Variants in MICAL3 observed in about 807,000 individuals in gnomAD.
The protein encoded by MICAL3 is microtubule associated monooxygenase, calponin and LIM domain containing 3.
Under a neutral mutation model 207.4 loss-of-function variants are expected in MICAL3, and 62 were observed. The observed-to-expected ratio is 0.30, with a 90% CI of 0.24 to 0.37. The LOEUF is 0.37. MICAL3 is among the 10% of genes least tolerant of loss of function. The pLI, the probability that MICAL3 is intolerant of heterozygous loss-of-function variation, is 1.00. For missense variants in MICAL3, 2,368 were observed against 2,635.6 expected, an observed-to-expected ratio of 0.90 and a Z score of 2.22; for synonymous variants, 1,077 against 1,069.3, an observed-to-expected ratio of 1.01 and a Z score of -0.14.
At chr22:18,000,811 T>C (rs2146487788) in intron 1 of MICAL3, among the ~76,000 whole-genome samples, 1 of 152,064 alleles carries the variant, frequency 6.6e-6, no homozygotes, top group African/African-American at 2.4e-5. Flanking sequence ...CCTGCCAGGG[T>C]CGCAGGAGCC....
At chr22:17,860,381 G>A (rs2146126279) in intron 19 of MICAL3, 11 of 985,432 alleles carry the variant, frequency 1.1e-5, no homozygotes, top group Non-Finnish European at 1.3e-5. Flanking sequence ...CAGCAGTGGC[G>A]TGTTCCTTGG....
intron 1 of MICAL3, among the ~76,000 whole-genome samples, chr22:17,911,854 T>C (rs1602205094): frequency 2.3e-5 from 2 of 88,110 alleles, no homozygotes; most frequent in South Asian, 6.1e-4. Context: ...AAGAAAAAAG[T>C]AGGTGGAGAG....
intron 1 of MICAL3, among the ~76,000 whole-genome samples, chr22:17,948,290 T>C (rs1020431544): frequency 2.6e-5 from 4 of 152,186 alleles, no homozygotes; most frequent in African/African-American, 9.7e-5. Context: ...GCCGCCACAA[T>C]CTTGCTGGCT....
intron 19 of MICAL3, among the ~76,000 whole-genome samples, chr22:17,842,928 T>G (rs1924197850): frequency 6.6e-6 from 1 of 152,126 alleles, no homozygotes; most frequent in Non-Finnish European, 1.5e-5. Flanking sequence ...AAGGCCATCC[T>G]GGCTAACACA....
intron 17 of MICAL3, among the ~76,000 whole-genome samples, chr22:17,868,325 A>C (rs918194685): frequency 6.6e-6 from 1 of 152,198 alleles, no homozygotes; most frequent in Non-Finnish European, 1.5e-5. Flanking sequence ...AAATTAAAAA[A>C]AAAAAAAGCT....
At position 17,949,129 on chromosome 22, in the gene MICAL3, G is replaced by C. The variant is rs570106706; in HGVS notation, c.-74-42243C>G. Among the ~76,000 whole-genome samples, 3 of 151,928 alleles carry C rather than the reference G, an allele frequency of 2.0e-5. No homozygotes were observed. The South Asian group carries it at 6.2e-4, about 32-fold the overall frequency. On this transcript the variant is annotated intron_variant, in intron 1 of 31. Transcript: ENST00000441493. Reference sequence around the variant, plus strand: ...GGAGGCTGAGGTGGGAGGATGGCTTGAGCCCAGGAGGTGGCGGTTGTAGTG... The same window carrying C: ...GGAGGCTGAGGTGGGAGGATGGCTTCAGCCCAGGAGGTGGCGGTTGTAGTG...
intron 29 of MICAL3, among the ~76,000 whole-genome samples, chr22:17,797,353 G>A (rs2061887319): frequency 6.6e-6 from 1 of 152,182 alleles, no homozygotes; most frequent in Admixed American, 6.5e-5. Flanking sequence ...TTAGCTGGGT[G>A]TGGTAGTGTG....
intron 1 of MICAL3, among the ~76,000 whole-genome samples, chr22:17,956,679 A>G (rs1224044786): frequency 1.3e-5 from 2 of 152,190 alleles, no homozygotes; most frequent in African/African-American, 4.8e-5. Flanking sequence ...ACTACGACTT[A>G]GCTCCGAGAA....
chr22:17,897,224 A>G (rs1245711426), intron 7 of MICAL3, among the ~76,000 whole-genome samples: 2 of 151,950 alleles, frequency 1.3e-5, no homozygotes, highest in Non-Finnish European at 2.9e-5. Context: ...TGACTTCGAG[A>G]CCAGCCTGGT....
chr22:17,879,105 G>A (rs5992888), intron 16 of MICAL3, among the ~76,000 whole-genome samples: 71,536 of 151,990 alleles, frequency 0.47, 18,353 homozygotes, highest in African/African-American at 0.69. Flanking sequence ...TTTACAATAC[G>A]CACATTTAGG....
At chr22:17,942,201 G>A (rs1055687713) in intron 1 of MICAL3, among the ~76,000 whole-genome samples, 7 of 152,204 alleles carry the variant, frequency 4.6e-5, no homozygotes, top group African/African-American at 1.4e-4. Context: ...TATGCTTGCA[G>A]GGAGGCACAG....
chr22:17,991,825 T>C (rs1221253336), intron 1 of MICAL3, among the ~76,000 whole-genome samples: 1 of 152,210 alleles, frequency 6.6e-6, no homozygotes, highest in South Asian at 2.1e-4. Context: ...ATACAGCACA[T>C]GACAAAGAAA....
Position 17,934,782 on chromosome 22 carries a change from G to A in MICAL3, c.-74-27896C>T, listed in dbSNP as rs532861704. ...AAGTCTCAGGATACAAAATCAATGT[G>A]CAAAAATCACAAGCATTCTTATACA... On this transcript the variant is annotated intron_variant, in intron 1 of 31. Transcript: ENST00000441493. 1.6e-4 allele frequency among the ~76,000 whole-genome samples: 24 copies of A among 152,180 alleles called. No individual in the cohort carries two copies. In the South Asian group the frequency reaches 5.0e-3, roughly 32 times the overall value.
chr22:17,837,356 C>A (rs8184956), intron 20 of MICAL3, among the ~76,000 whole-genome samples: 1 of 152,228 alleles, frequency 6.6e-6, no homozygotes, highest in South Asian at 2.1e-4. Context: ...ACAGCAACGC[C>A]TGCCATCCAC....
At chr22:17,805,191 C>T (rs1164004912) in intron 29 of MICAL3, among the ~76,000 whole-genome samples, 1 of 152,196 alleles carries the variant, frequency 6.6e-6, no homozygotes, top group Non-Finnish European at 1.5e-5. Context: ...TGAGAAGACT[C>T]CAGATTATTA....
chr22:17,832,275 G>C (rs1232341055), intron 20 of MICAL3, among the ~76,000 whole-genome samples, 168 bp from the exon 21 acceptor site: 2 of 152,220 alleles, frequency 1.3e-5, no homozygotes. Context: ...AGGGTACCTG[G>C]GCATGAGAAG....
intron 16 of MICAL3, among the ~76,000 whole-genome samples, chr22:17,879,583 C>T (rs183917169): frequency 6.6e-6 from 1 of 152,224 alleles, no homozygotes; most frequent in African/African-American, 2.4e-5. Context: ...ACAAGGCCGA[C>T]TTTCTGCACA....
intron 19 of MICAL3, among the ~76,000 whole-genome samples, chr22:17,844,610 A>G (rs968308725): frequency 6.6e-6 from 1 of 152,222 alleles, no homozygotes; most frequent in Non-Finnish European, 1.5e-5. Context: ...GTATTCACAT[A>G]CAAATTCAGG....
chr22:17,951,410 C>T (rs560890050), intron 1 of MICAL3, among the ~76,000 whole-genome samples: 1 of 152,000 alleles, frequency 6.6e-6, no homozygotes, highest in Admixed American at 6.6e-5. Flanking sequence ...GTACTTCACA[C>T]ACTGGCAAGT....
Sources: gnomAD v4.1 joint callset for allele counts (sites outside exome capture counted in the v4.1 genomes callset) on GRCh38, gnomAD v4.1.1 for gene constraint, MANE v1.5 for transcripts, NCBI Gene and HGNC (gene_info 2026-07-23, HGNC 2026-07-21) for gene names.